The following TMEM132D variants were observed in gnomAD, a reference collection of about 807,000 sequenced individuals.
The protein encoded by TMEM132D is transmembrane protein 132D, also known as mature OL transmembrane protein.
In TMEM132D, 21 loss-of-function variants were observed where a neutral mutation model predicts 62.3. The ratio of observed to expected loss-of-function variants is 0.34; its 90% confidence interval spans 0.24 to 0.49. The LOEUF (loss-of-function observed/expected upper bound fraction) is 0.49, where lower values mean the gene tolerates loss of function less well. TMEM132D is among the 20% of genes least tolerant of loss of function. TMEM132D has a pLI of 0.99. For missense variants in TMEM132D, 1,346 were observed against 1,402.8 expected, an observed-to-expected ratio of 0.96 and a Z score of 0.65; for synonymous variants, 621 against 575.6, an observed-to-expected ratio of 1.08 and a Z score of -1.13.
At chr12:129,690,443 T>C (rs1881037371) in intron 2 of TMEM132D, among the ~76,000 whole-genome samples, 1 of 152,178 alleles carries the variant, frequency 6.6e-6, no homozygotes. Flanking sequence ...GCCTATATGA[T>C]ATTTACCAAA....
chr12:129,111,586 G>A (rs1047515146), intron 5 of TMEM132D: 1 of 152,132 alleles, frequency 6.6e-6, no homozygotes, highest in Admixed American at 6.5e-5. Context: ...ACTCCATAAA[G>A]AACAGGTAGA....
chr12:129,504,072 CCCCCTCATCACCATT>C (rs1175926733), intron 3 of TMEM132D, among the ~76,000 whole-genome samples: 7 of 151,912 alleles, frequency 4.6e-5, no homozygotes, highest in African/African-American at 1.7e-4. Flanking sequence ...TCATCACCAT[CCCCCTCATCACCATT>C]ATCACCACAA....
chr12:129,567,389 C>G (rs1353594399), intron 2 of TMEM132D, among the ~76,000 whole-genome samples: 1 of 152,088 alleles, frequency 6.6e-6, no homozygotes, highest in Non-Finnish European at 1.5e-5. Context: ...TTTTAGAATC[C>G]ACATTGCAAC....
At chr12:129,233,895 G>T (rs553066819) in intron 4 of TMEM132D, among the ~76,000 whole-genome samples, 10 of 152,040 alleles carry the variant, frequency 6.6e-5, no homozygotes, top group African/African-American at 1.9e-4. Flanking sequence ...TATATTTTTT[G>T]AAAAAATCAC....
chr12:129,578,408 ATG>A (rs143488724), intron 2 of TMEM132D, among the ~76,000 whole-genome samples: 3 of 144,778 alleles, frequency 2.1e-5, no homozygotes, highest in Non-Finnish European at 3.0e-5. Context: ...TAATACAATT[ATG>A]TGTGTGTGTG....
rs145416554 is a variant in TMEM132D at position 129,770,775 on chromosome 12, G to A, written c.80-70077C>T. 1.9e-3 allele frequency among the ~76,000 whole-genome samples: 291 copies of A among 152,270 alleles called. 3 individuals carry two copies. The highest frequency in any genetic ancestry group is 6.6e-3 in the African/African-American group (274 of 41,558). ...AAAACCTATTTTATAATAAAGTCTT[G>A]AATAGCTCATGAAATGTATGGGATA... On this transcript the variant is annotated intron_variant, in intron 1 of 8. Coordinates refer to ENST00000422113, the MANE Select transcript of TMEM132D (RefSeq NM_133448.3).
chr12:129,353,810 C>T (rs1000916749), intron 3 of TMEM132D, among the ~76,000 whole-genome samples: 1 of 151,916 alleles, frequency 6.6e-6, no homozygotes, highest in African/African-American at 2.4e-5. Context: ...AAAAAGGAAG[C>T]GGAGTAGTGA....
intron 5 of TMEM132D, among the ~76,000 whole-genome samples, chr12:129,177,820 A>G (rs1180593397): frequency 1.3e-5 from 2 of 152,178 alleles, no homozygotes; most frequent in African/African-American, 2.4e-5. Context: ...GGTTTGTTAC[A>G]TCGGTAAATG....
chr12:129,786,526 G>A (rs1871251774), intron 1 of TMEM132D, among the ~76,000 whole-genome samples: 1 of 152,196 alleles, frequency 6.6e-6, no homozygotes, highest in African/African-American at 2.4e-5. Flanking sequence ...GTAATGTTGT[G>A]TTTCTTCCCA....
At chr12:129,485,164 T>TG (rs550539590) in intron 3 of TMEM132D, among the ~76,000 whole-genome samples, 233 of 152,212 alleles carry the variant, frequency 1.5e-3, no homozygotes, top group African/African-American at 5.1e-3. Flanking sequence ...TTACTGAGCA[T>TG]GGGGGGTCAC....
chr12:129,178,451 T>G (rs950021663), intron 5 of TMEM132D, among the ~76,000 whole-genome samples: 2 of 147,656 alleles, frequency 1.4e-5, no homozygotes, highest in Admixed American at 1.3e-4. Context: ...TTTTTTTTTG[T>G]GACTTTTTAG....
Position 129,903,456 on chromosome 12 carries a change from G to C in TMEM132D, c.-117C>G. On this transcript the variant is annotated 5_prime_UTR_variant, in exon 1 of 9. Coordinates refer to ENST00000422113, the MANE Select transcript of TMEM132D (RefSeq NM_133448.3). This position sits in a 1 kb window ranked among gnomAD's most constrained non-coding sequence, Gnocchi z 6.2. ...CGGTGGCGAGGGAGCGCCCGGCTAG[G>C]GGCCCGAGCAGCCCGGGCGCCCTGC... 3 of 1,129,428 alleles carry C rather than the reference G, an allele frequency of 2.7e-6. No individual in the cohort carries two copies. Among genetic ancestry groups the C allele is most frequent in the East Asian group, 5.2e-5 (2 of 38,520 alleles). The allele number at this position is 1,129,428 out of a possible 1,614,324, so 70.0% of individuals were successfully genotyped here. A position where few individuals can be genotyped will look rare whatever the true frequency, so the allele number is the denominator to read the frequency against.
chr12:129,571,114 C>T (rs1877500706), intron 2 of TMEM132D, among the ~76,000 whole-genome samples: 1 of 152,182 alleles, frequency 6.6e-6, no homozygotes, highest in African/African-American at 2.4e-5. Flanking sequence ...TAATTCTATT[C>T]CATTTGAATG....
intron 3 of TMEM132D, among the ~76,000 whole-genome samples, chr12:129,346,075 T>G (rs1869678310): frequency 6.6e-6 from 1 of 152,168 alleles, no homozygotes; most frequent in African/African-American, 2.4e-5. Flanking sequence ...TCCTGGGCTT[T>G]TTTTGGTTGG....
intron 2 of TMEM132D, among the ~76,000 whole-genome samples, chr12:129,586,798 C>G (rs1878041504): frequency 6.6e-6 from 1 of 152,130 alleles, no homozygotes; most frequent in Non-Finnish European, 1.5e-5. Context: ...CCTAGCCTAT[C>G]TTGACTAATG....
At position 129,485,074 on chromosome 12, in the gene TMEM132D, T is replaced by C. The variant is rs11060374; in HGVS notation, c.1115+45985A>G. 5.5e-3 allele frequency among the ~76,000 whole-genome samples: 843 copies of C among 152,294 alleles called. 20 individuals are homozygous for C. The East Asian group carries it at 0.062, about 11-fold the overall frequency. ...GAGATAAGCTTGCAGGTGCAAGCAC[T>C]GAATTTGGAAGGTGATCCCAGAAAC... On this transcript the variant is annotated intron_variant, in intron 3 of 8. Coordinates refer to ENST00000422113, the MANE Select transcript of TMEM132D (RefSeq NM_133448.3).
chr12:129,853,724 G>A (rs1873619681), intron 1 of TMEM132D: 1 of 152,144 alleles, frequency 6.6e-6, no homozygotes, highest in Admixed American at 6.5e-5. Flanking sequence ...GCAATTATCA[G>A]TGGGTCCCCT....
intron 4 of TMEM132D, among the ~76,000 whole-genome samples, chr12:129,293,003 C>CG (rs1566023845): frequency 2.0e-5 from 3 of 152,042 alleles, no homozygotes; most frequent in African/African-American, 7.3e-5. Context: ...CAGAACGAGC[C>CG]GAGGAGAGAG....
At chr12:129,150,323 T>C (rs1451949842) in intron 5 of TMEM132D, among the ~76,000 whole-genome samples, 1 of 152,230 alleles carries the variant, frequency 6.6e-6, no homozygotes, top group Admixed American at 6.5e-5. Context: ...AACAGGGGGC[T>C]GACGACAATG....
Sources: allele counts gnomAD v4.1 joint callset (sites outside exome capture counted in the v4.1 genomes callset), GRCh38; gene constraint gnomAD v4.1.1; non-coding constraint Gnocchi (gnomAD v3.1); transcripts MANE v1.5; gene names NCBI Gene and HGNC (gene_info 2026-07-23, HGNC 2026-07-21).